The following CREB5 variants were observed in gnomAD, a reference collection of about 807,000 sequenced individuals.
CREB5 encodes cyclic AMP-responsive element-binding protein 5.
In CREB5, 19 loss-of-function variants were observed where a neutral mutation model predicts 57.1. The ratio of observed to expected loss-of-function variants is 0.33; its 90% CI spans 0.23 to 0.49. CREB5 has a LOEUF of 0.49. CREB5 is among the 20% of genes least tolerant of loss of function. The pLI is 0.99. For missense variants in CREB5, 579 were observed against 671.6 expected (o/e 0.86, Z 1.52); for synonymous variants, 238 against 238.3 (o/e 1.00, Z 0.01).
At position 28,606,968 on chromosome 7, in the gene CREB5, A is replaced by G. The variant is rs140698016; in HGVS notation, c.464+36431A>G. Among the ~76,000 whole-genome samples, 1,058 of 152,226 alleles carry G rather than the reference A, an allele frequency of 7.0e-3. 17 individuals carry two copies. Among genetic ancestry groups the G allele is most frequent in the African/African-American group, 0.024 (983 of 41,530 alleles). On this transcript the variant is annotated intron_variant, in intron 5 of 10. Transcript: ENST00000357727. The stretch of plus-strand genomic sequence containing the variant: ...CATTTCTTTGTGTTGGGAACATTCA[A>G]TATCCTCCTTCCAGCTATTTGAAAC...
At chr7:28,388,203 A>C (rs983469649) in intron 1 of CREB5, among the ~76,000 whole-genome samples, 1 of 152,188 alleles carries the variant, frequency 6.6e-6, no homozygotes, top group Non-Finnish European at 1.5e-5. Flanking sequence ...TCTGAATTGC[A>C]CAGGTAGTAT....
At chr7:28,397,819 A>C (rs1375952712) in intron 1 of CREB5, among the ~76,000 whole-genome samples, 1 of 152,166 alleles carries the variant, frequency 6.6e-6, no homozygotes, top group Non-Finnish European at 1.5e-5. Context: ...TATCATTGTC[A>C]TCTCTTCTAT....
chr7:28,366,719 C>T (rs1276231844), intron 1 of CREB5, among the ~76,000 whole-genome samples: 1 of 152,202 alleles, frequency 6.6e-6, no homozygotes, highest in Non-Finnish European at 1.5e-5. Flanking sequence ...CATTGGACAT[C>T]CTTCTGCAAA....
chr7:28,718,954 ACT>A (rs1802863626), intron 6 of CREB5, 75 bp downstream of exon 6: 1 of 1,597,774 alleles, frequency 6.3e-7, no homozygotes, highest in African/African-American at 1.3e-5. Flanking sequence ...GGCAAAGGAA[ACT>A]CTGAGATCCA....
intron 5 of CREB5, among the ~76,000 whole-genome samples, chr7:28,645,403 T>C (rs1798852845): frequency 6.6e-6 from 1 of 152,208 alleles, no homozygotes. Flanking sequence ...GCTGGTTTGC[T>C]TGTGGGTTTT....
At chr7:28,689,666 A>C (rs1801147109) in intron 5 of CREB5, among the ~76,000 whole-genome samples, 1 of 152,172 alleles carries the variant, frequency 6.6e-6, no homozygotes, top group East Asian at 1.9e-4. Context: ...AAGGTTTTCA[A>C]ATGCAGCCTT....
intron 1 of CREB5, among the ~76,000 whole-genome samples, chr7:28,452,038 G>C (rs1789844507): frequency 6.6e-6 from 1 of 152,180 alleles, no homozygotes; most frequent in Non-Finnish European, 1.5e-5. Context: ...CCTGGACTCT[G>C]CTTTTCCTTC....
At chr7:28,596,937 A>G (rs1486238500) in intron 5 of CREB5, among the ~76,000 whole-genome samples, 3 of 152,280 alleles carry the variant, frequency 2.0e-5, no homozygotes, top group Middle Eastern at 6.8e-3. Context: ...AGATAATACC[A>G]TAGGATGCTA....
chr7:28,542,378 G>A (rs1311430488), intron 4 of CREB5, among the ~76,000 whole-genome samples: 1 of 152,156 alleles, frequency 6.6e-6, no homozygotes, highest in South Asian at 2.1e-4. Context: ...TCTTCGGGGG[G>A]CAGGGGCAGA....
intron 1 of CREB5, among the ~76,000 whole-genome samples, chr7:28,335,558 A>G (rs527958301): frequency 2.9e-4 from 44 of 152,156 alleles, no homozygotes; most frequent in Admixed American, 5.2e-4. Context: ...GTATCCTGCA[A>G]CTTTACTGAA....
At chr7:28,604,823 C>T (rs1797049596) in intron 5 of CREB5, among the ~76,000 whole-genome samples, 1 of 151,940 alleles carries the variant, frequency 6.6e-6, no homozygotes, top group Non-Finnish European at 1.5e-5. Flanking sequence ...TAATGACAAA[C>T]ATTACTCTTA....
At position 28,825,574 on chromosome 7, in the gene CREB5, C is replaced by A. The variant is rs962812879; in HGVS notation, c.*6295C>A. On this transcript the variant is annotated 3_prime_UTR_variant, in exon 11 of 11. Coordinates refer to ENST00000357727, the MANE Select transcript of CREB5 (RefSeq NM_182898.4). ...CACTTTAAGTTCTGGACTTGGGGTT[C>A]TTTGTATTTGTAAACAGCAAAGCAT... 3 of 152,462 alleles carry A rather than the reference C, an allele frequency of 2.0e-5. No homozygotes were observed. The highest frequency in any genetic ancestry group is 2.9e-5 in the Non-Finnish European group (2 of 68,002). The allele number at this position is 152,462 out of a possible 1,614,324, so 9.4% of individuals were successfully genotyped here.
chr7:28,726,890 C>T (rs924410232), intron 7 of CREB5, among the ~76,000 whole-genome samples: 3 of 152,022 alleles, frequency 2.0e-5, no homozygotes, highest in African/African-American at 4.8e-5. Flanking sequence ...AAATCTCTGG[C>T]GAAACTTGGA....
At chr7:28,456,538 C>T (rs1790100955) in intron 1 of CREB5, among the ~76,000 whole-genome samples, 1 of 152,046 alleles carries the variant, frequency 6.6e-6, no homozygotes, top group Admixed American at 6.5e-5. Context: ...TGAAGGATTG[C>T]CTGCTAATGG....
chr7:28,481,454 C>T (rs184040775), intron 1 of CREB5, among the ~76,000 whole-genome samples: 2 of 152,304 alleles, frequency 1.3e-5, no homozygotes, highest in Admixed American at 6.5e-5. Flanking sequence ...GGAACACACC[C>T]TCTTCACGCC....
At chr7:28,524,410 C>T (rs1028606584) in intron 4 of CREB5, among the ~76,000 whole-genome samples, 1 of 151,680 alleles carries the variant, frequency 6.6e-6, no homozygotes, top group African/African-American at 2.4e-5. Flanking sequence ...GAGGCTGAGG[C>T]AGGAGAATTG....
chr7:28,783,552 T>C (rs548456333), intron 7 of CREB5, among the ~76,000 whole-genome samples: 1 of 152,260 alleles, frequency 6.6e-6, no homozygotes, highest in East Asian at 1.9e-4. Flanking sequence ...AATTAGGTTA[T>C]TTTGAAATTA....
chr7:28,429,731 G>T (rs1788642223), intron 1 of CREB5, among the ~76,000 whole-genome samples: 1 of 152,220 alleles, frequency 6.6e-6, no homozygotes, highest in African/African-American at 2.4e-5. Context: ...TTCCTGGTCA[G>T]CTACTTTGTT....
rs146173876 is a variant in CREB5, at chr7:28,655,122, T to A, written c.465-63631T>A. Among the ~76,000 whole-genome samples the A allele has an allele frequency of 4.3e-3, 660 of 152,174 alleles. 6 individuals are homozygous for A. The highest frequency in any genetic ancestry group is 0.015 in the African/African-American group (629 of 41,526). ...TTCACCATGTTGCCCAGGCTGGTCT[T>A]GAACTCCTGAGCTCAAGAGATCTGC... On this transcript the variant is annotated intron_variant, in intron 5 of 10. Coordinates refer to ENST00000357727, the MANE Select transcript of CREB5 (RefSeq NM_182898.4).
Sources: gnomAD v4.1 joint callset for allele counts (sites outside exome capture counted in the v4.1 genomes callset) on GRCh38, gnomAD v4.1.1 for gene constraint, MANE v1.5 for transcripts, NCBI Gene and HGNC (gene_info 2026-07-23, HGNC 2026-07-21) for gene names.